TPO: variants seen among roughly 807,000 people sequenced by gnomAD.
TPO encodes the protein thyroid microsomal antigen.
In TPO, 78 loss-of-function variants were observed where a neutral mutation model predicts 96.9. That is an observed-to-expected ratio of 0.81 (90% CI 0.67 to 0.97). The LOEUF is 0.97. Among genes scored for constraint, TPO ranks in the 50% least tolerant of loss-of-function variants. TPO has a pLI of 0.00. For missense variants in TPO, 1,252 were observed against 1,274.8 expected, an observed-to-expected ratio of 0.98 and a Z score of 0.27; for synonymous variants, 547 against 538.0, an observed-to-expected ratio of 1.02 and a Z score of -0.23.
At chr2:1,383,378 C>G (rs1284583539) in intron 1 of TPO, among the ~76,000 whole-genome samples, 2 of 152,202 alleles carry the variant, frequency 1.3e-5, no homozygotes, top group African/African-American at 4.8e-5. Context: ...TACATCCTCT[C>G]CAGCACCTGT....
intron 1 of TPO, among the ~76,000 whole-genome samples, chr2:1,388,888 C>T (rs1661949512): frequency 6.6e-6 from 1 of 152,164 alleles, no homozygotes; most frequent in Non-Finnish European, 1.5e-5. Context: ...AGTATTTCCA[C>T]CTGTACCTTC....
upstream of TPO, among the ~76,000 whole-genome samples, chr2:1,408,656 A>G (rs1290214677): frequency 6.6e-6 from 1 of 152,242 alleles, no homozygotes; most frequent in African/African-American, 2.4e-5. Flanking sequence ...GAAGAGCCGC[A>G]GAGACCCGTG....
At chr2:1,511,119 C>T (rs1453433081) in intron 14 of TPO, among the ~76,000 whole-genome samples, 1 of 151,918 alleles carries the variant, frequency 6.6e-6, no homozygotes, top group Non-Finnish European at 1.5e-5. Context: ...TGTTTTGTTC[C>T]TAACGTTGCG....
Position 1,484,624 on chromosome 2 carries a change from G to C in TPO, c.1367G>C (p.Arg456Thr). The C allele has an allele frequency of 6.2e-7, 1 of 1,614,134 alleles. No individual in the cohort carries two copies. Among genetic ancestry groups the C allele is most frequent in the Non-Finnish European group, 8.5e-7 (1 of 1,180,034 alleles). ...ATCACCCTGAGGGATTACATCCCCA[G>C]GATCCTGGGACCCGAGGCCTTCCAG... ...QIITLRDYIP[R>T]ILGPEAFQQY... The change falls in exon 9 of 17, where the codon AGG becomes ACG. Residue 456 changes from arginine to threonine, a missense_variant. Physicochemically the swap from Arg to Thr is moderately conservative, Grantham distance 71. Coordinates refer to ENST00000329066, the MANE Select transcript of TPO (RefSeq NM_001206744.2).
intron 7 of TPO, among the ~76,000 whole-genome samples, chr2:1,461,761 A>G (rs1239370636): frequency 6.6e-6 from 1 of 152,100 alleles, no homozygotes; most frequent in Non-Finnish European, 1.5e-5. Context: ...ACAGACCCAC[A>G]CACACACCTG....
In TPO at chr2:1,402,735, G is replaced by T. The variant is rs55896290; in HGVS notation, n.180+28333G>T. ...GCACCAACCAGGAGAACAGTAGGGGGAAAACTGCCCCCAGGATTTAATTAT... is the reference window on the plus strand; with the variant it reads ...GCACCAACCAGGAGAACAGTAGGGGTAAAACTGCCCCCAGGATTTAATTAT... On this transcript the variant is annotated intron_variant and non_coding_transcript_variant, in intron 1 of 5. Coordinates refer to the TPO transcript ENST00000497517. 1.1e-4 allele frequency among the ~76,000 whole-genome samples: 16 copies of T among 152,172 alleles called. No individual in the cohort carries two copies. In the Middle Eastern group the frequency reaches 0.01, roughly 97 times the overall value.
intron 5 of TPO, among the ~76,000 whole-genome samples, chr2:1,439,554 A>G (rs1363733677): frequency 7.9e-5 from 12 of 152,034 alleles, no homozygotes; most frequent in African/African-American, 2.4e-5. Context: ...AAAATAGCCC[A>G]AACAAGCAGA....
intron 2 of TPO, among the ~76,000 whole-genome samples, chr2:1,419,482 T>G (rs1217778751): frequency 2.6e-5 from 4 of 152,166 alleles, no homozygotes; most frequent in Non-Finnish European, 5.9e-5. Flanking sequence ...CTGCCCTGCC[T>G]CTATTGCCTA....
At chr2:1,410,685 C>T (rs916653195), upstream of TPO, among the ~76,000 whole-genome samples, 5 of 105,496 alleles carry the variant, frequency 4.7e-5, no homozygotes, top group African/African-American at 7.5e-5. Flanking sequence ...GGGACTGGAC[C>T]GCAGGGCTGG....
chr2:1,522,376 C>T lies in TPO; in HGVS notation c.2618+5394C>T, dbSNP rs368680623. 6.4e-3 allele frequency among the ~76,000 whole-genome samples: 827 copies of T among 130,018 alleles called. 58 individuals are homozygous for T. The highest frequency in any genetic ancestry group is 0.023 in the African/African-American group (748 of 32,610). 85.3% of individuals were successfully genotyped at this position (130,018 alleles called of 152,430 possible). On this transcript the variant is annotated intron_variant, in intron 15 of 16. Transcript: ENST00000329066. Reference sequence around the variant, plus strand: ...TCTCTACCCCACACCGGCCCGCCACCGTGCCCTCACAGTCTCTCTACCCCA... The same window carrying T: ...TCTCTACCCCACACCGGCCCGCCACTGTGCCCTCACAGTCTCTCTACCCCA...
intron 15 of TPO, among the ~76,000 whole-genome samples, chr2:1,522,100 C>T (rs1325503821): frequency 6.6e-6 from 1 of 150,650 alleles, no homozygotes; most frequent in East Asian, 2.0e-4. Flanking sequence ...GCCACCGTGC[C>T]CTGGCAGTCT....
chr2:1,461,997 T>C (rs1046496974), intron 7 of TPO, among the ~76,000 whole-genome samples: 2 of 152,202 alleles, frequency 1.3e-5, no homozygotes, highest in African/African-American at 4.8e-5. Context: ...ATCAGCCATG[T>C]CACTCTCCAG....
chr2:1,483,216 G>C (rs894419697), intron 8 of TPO, among the ~76,000 whole-genome samples: 15 of 152,216 alleles, frequency 9.9e-5, no homozygotes, highest in Non-Finnish European at 1.5e-4. Flanking sequence ...TTTCCTCTCT[G>C]TTAACAGCTA....
intron 14 of TPO, 107 bp downstream of exon 14, chr2:1,504,186 G>A: frequency 6.3e-7 from 1 of 1,583,958 alleles, no homozygotes; most frequent in Non-Finnish European, 8.6e-7. Context: ...TGATTGGGAA[G>A]GGCGGAGATG....
At chr2:1,432,222 A>T (rs1665049261) in intron 3 of TPO, among the ~76,000 whole-genome samples, 1 of 152,246 alleles carries the variant, frequency 6.6e-6, no homozygotes, top group Non-Finnish European at 1.5e-5. Context: ...AGGATGGTGA[A>T]CTTGATGTAG....
chr2:1,436,366 C>T lies in TPO; in HGVS notation c.464C>T (p.Thr155Ile), dbSNP rs758766015. The T allele has an allele frequency of 1.9e-6, 3 of 1,614,064 alleles. No homozygotes were observed. The highest frequency in any genetic ancestry group is 1.3e-5 in the African/African-American group (1 of 74,922). ...TCLANKYRPI[T>I]GACNNRDHPR... The stretch of plus-strand genomic sequence containing the variant: ...CTGGCGAACAAATACAGGCCCATCA[C>T]AGGAGCTTGCAACAACAGGTATTGT... Residue 155 changes from threonine to isoleucine, a missense_variant, in exon 5 of 17, where the codon ACA (threonine) becomes ATA (isoleucine). Physicochemically the swap from Thr to Ile is moderately conservative, Grantham distance 89. Coordinates refer to ENST00000329066, the MANE Select transcript of TPO (RefSeq NM_001206744.2).
chr2:1,374,870 G>T (rs1379058099), intron 1 of TPO, among the ~76,000 whole-genome samples: 1 of 151,682 alleles, frequency 6.6e-6, no homozygotes, highest in Non-Finnish European at 1.5e-5. Flanking sequence ...GGGACTACAG[G>T]CACCCGCCAC....
At chr2:1,421,243 T>C (rs1374566588) in intron 2 of TPO, among the ~76,000 whole-genome samples, 2 of 152,100 alleles carry the variant, frequency 1.3e-5, no homozygotes, top group Admixed American at 6.5e-5. Context: ...TGCAAACCTC[T>C]CTGTAAAACC....
Position 1,522,992 on chromosome 2 carries a change from C to T in TPO, c.2618+6010C>T, listed in dbSNP as rs187983595. ...GTGCAACCTCCTCAGATCCCTCCCACGCTGTGCAAACTCCCCAGATCCCCC... is the reference window on the plus strand; with the variant it reads ...GTGCAACCTCCTCAGATCCCTCCCATGCTGTGCAAACTCCCCAGATCCCCC... On this transcript the variant is annotated intron_variant, in intron 15 of 16. Coordinates refer to ENST00000329066, the MANE Select transcript of TPO (RefSeq NM_001206744.2). 9.0e-4 allele frequency among the ~76,000 whole-genome samples: 129 copies of T among 143,128 alleles called. 3 individuals carry two copies. The South Asian group carries it at 0.015, about 17-fold the overall frequency. The allele number at this position is 143,128 out of a possible 152,430, so 93.9% of individuals were successfully genotyped here.
Sources: allele counts gnomAD v4.1 joint callset (sites outside exome capture counted in the v4.1 genomes callset), GRCh38; gene constraint gnomAD v4.1.1; transcripts MANE v1.5; gene names NCBI Gene and HGNC (gene_info 2026-07-23, HGNC 2026-07-21).